Variants in CDC42BPA observed in about 807,000 individuals in gnomAD.
The protein encoded by CDC42BPA is CDC42 binding protein kinase alpha.
In CDC42BPA, 80 loss-of-function variants were observed where a neutral mutation model predicts 223.5. The ratio of observed to expected loss-of-function variants is 0.36; its 90% CI spans 0.30 to 0.43. The LOEUF is 0.43. CDC42BPA is among the 20% of genes least tolerant of loss of function. The pLI is 1.00. For missense variants in CDC42BPA, 1,743 were observed against 2,099.9 expected (o/e 0.83, Z 3.32); for synonymous variants, 694 against 718.6 (o/e 0.97, Z 0.55).
At chr1:227,072,556 C>T (rs1558431930) in intron 19 of CDC42BPA, among the ~76,000 whole-genome samples, 2 of 152,092 alleles carry the variant, frequency 1.3e-5, no homozygotes, top group South Asian at 4.1e-4. Context: ...AGATGAGAAG[C>T]TGTGATGGAA....
chr1:227,292,395 G>T (rs890843842), intron 1 of CDC42BPA, among the ~76,000 whole-genome samples: 16 of 152,126 alleles, frequency 1.1e-4, no homozygotes, highest in African/African-American at 3.4e-4. Flanking sequence ...AGACATAAGC[G>T]TTTCCATATT....
chr1:227,096,622 C>T (rs1684053109), intron 15 of CDC42BPA, among the ~76,000 whole-genome samples: 2 of 152,236 alleles, frequency 1.3e-5, no homozygotes, highest in Admixed American at 1.3e-4. Flanking sequence ...GCCCTCTTGA[C>T]ATGCTGTCTG....
chr1:227,268,482 T>C (rs2148439651), intron 1 of CDC42BPA, among the ~76,000 whole-genome samples: 1 of 151,724 alleles, frequency 6.6e-6, no homozygotes, highest in African/African-American at 2.4e-5. Context: ...TATTGTGATA[T>C]GGGGAGGAGA....
At chr1:227,011,254 CA>C (rs769201343) in intron 34 of CDC42BPA, among the ~76,000 whole-genome samples, 48 of 152,086 alleles carry the variant, frequency 3.2e-4, no homozygotes, top group Middle Eastern at 6.8e-3. Context: ...AGTTGATTTG[CA>C]AAAGATCATT....
At chr1:227,121,112 C>T (rs892231325) in intron 11 of CDC42BPA, among the ~76,000 whole-genome samples, 5 of 152,170 alleles carry the variant, frequency 3.3e-5, no homozygotes, top group Non-Finnish European at 4.4e-5. Context: ...ACCAGTTTGT[C>T]GCCCGAGAAT....
chr1:227,285,149 G>A (rs1031905372), intron 1 of CDC42BPA, among the ~76,000 whole-genome samples: 2 of 152,072 alleles, frequency 1.3e-5, no homozygotes, highest in African/African-American at 2.4e-5. Context: ...TTCATTAATG[G>A]AGAGTCCAAA....
At chr1:227,089,629 T>TA in intron 16 of CDC42BPA, among the ~76,000 whole-genome samples, 1 of 47,332 alleles carries the variant, frequency 2.1e-5, no homozygotes, top group Non-Finnish European at 4.4e-5. Flanking sequence ...GTAATTCCGT[T>TA]TTTTTTTTTT....
intron 23 of CDC42BPA, among the ~76,000 whole-genome samples, chr1:227,043,799 T>TA (rs998523430): frequency 3.2e-4 from 48 of 152,140 alleles, no homozygotes; most frequent in African/African-American, 1.2e-3. Context: ...CCTACTGCCA[T>TA]AAAAAATACA....
At chr1:227,099,341 T>C (rs539279768) in intron 15 of CDC42BPA, among the ~76,000 whole-genome samples, 26 of 152,028 alleles carry the variant, frequency 1.7e-4, no homozygotes, top group Non-Finnish European at 2.8e-4. Context: ...CAATTTCATG[T>C]ATGTAACTGT....
intron 1 of CDC42BPA, among the ~76,000 whole-genome samples, chr1:227,301,610 G>A (rs371061808): frequency 2.0e-5 from 3 of 152,082 alleles, no homozygotes; most frequent in Non-Finnish European, 4.4e-5. Context: ...TGCCCACCTC[G>A]GCCTCCCAAA....
At chr1:227,029,358 T>C (rs1394258457) in intron 29 of CDC42BPA, 108 bp from the exon 30 acceptor site, 9 of 701,350 alleles carry the variant, frequency 1.3e-5, no homozygotes, top group Non-Finnish European at 2.1e-5. Context: ...TACGGAAGAA[T>C]AAGACATCAG....
intron 30 of CDC42BPA, among the ~76,000 whole-genome samples, chr1:227,026,663 TTTAC>T (rs1291264005): frequency 8.5e-5 from 13 of 152,280 alleles, no homozygotes. Context: ...GATTCAATGG[TTTAC>T]TTAAACTAAG....
chr1:227,200,027 C>T (rs1268701570), intron 3 of CDC42BPA, among the ~76,000 whole-genome samples: 3 of 152,058 alleles, frequency 2.0e-5, no homozygotes, highest in East Asian at 1.9e-4. Flanking sequence ...AACTGTGAAC[C>T]CATTCTCTTC....
intron 1 of CDC42BPA, among the ~76,000 whole-genome samples, chr1:227,284,728 A>G (rs1688538988): frequency 1.3e-5 from 2 of 152,168 alleles, no homozygotes; most frequent in South Asian, 4.1e-4. Flanking sequence ...TGGGAGGCCA[A>G]GGTGGGTGGA....
intron 32 of CDC42BPA, among the ~76,000 whole-genome samples, chr1:227,017,610 G>C (rs1009665914): frequency 6.6e-6 from 1 of 152,070 alleles, no homozygotes; most frequent in South Asian, 2.1e-4. Flanking sequence ...TTTATAAAAG[G>C]TAAGAATCTG....
At chr1:227,258,760 A>C (rs1290729246) in intron 1 of CDC42BPA, among the ~76,000 whole-genome samples, 1 of 151,208 alleles carries the variant, frequency 6.6e-6, no homozygotes, top group Non-Finnish European at 1.5e-5. Context: ...AATATTTAAC[A>C]AAAGTGCTTT....
intron 15 of CDC42BPA, among the ~76,000 whole-genome samples, chr1:227,099,696 C>T (rs1052745722): frequency 6.6e-6 from 1 of 152,086 alleles, no homozygotes. Context: ...AAAACTTATT[C>T]TTCTCCATGT....
At chr1:227,283,447 A>C (rs1007602830) in intron 1 of CDC42BPA, among the ~76,000 whole-genome samples, 3 of 152,158 alleles carry the variant, frequency 2.0e-5, no homozygotes, top group Middle Eastern at 3.2e-3. Context: ...ATCATTTACT[A>C]CTCTCTCCAC....
rs552762630 is a variant in CDC42BPA, at chr1:227,042,084, T to C, written c.3094-1848A>G. 2.6e-5 allele frequency among the ~76,000 whole-genome samples: 4 copies of C among 152,290 alleles called. No homozygotes were observed. In the South Asian group the frequency reaches 8.3e-4, roughly 32 times the overall value. ...TTTTCAATTGTTCAAAATGCATTAATGCAAAAGACGTGAAGTTATTTTACT... is the reference window on the plus strand; with the variant it reads ...TTTTCAATTGTTCAAAATGCATTAACGCAAAAGACGTGAAGTTATTTTACT... On this transcript the variant is annotated intron_variant, in intron 23 of 36. Transcript: ENST00000366766.
Sources: gnomAD v4.1 joint callset for allele counts (sites outside exome capture counted in the v4.1 genomes callset) on GRCh38, gnomAD v4.1.1 for gene constraint, MANE v1.5 for transcripts, NCBI Gene and HGNC (gene_info 2026-07-23, HGNC 2026-07-21) for gene names.